PALLD: variants seen among roughly 807,000 people sequenced by gnomAD.
PALLD encodes palladin.
Under a neutral mutation model 123.5 loss-of-function variants are expected in PALLD, and 61 were observed. That is an observed-to-expected ratio of 0.49 (90% CI 0.40 to 0.61). The LOEUF (loss-of-function observed/expected upper bound fraction) is 0.61, where lower values mean the gene tolerates loss of function less well. Among genes scored for constraint, PALLD ranks in the 20% least tolerant of loss-of-function variants. PALLD has a pLI of 0.00. For missense variants in PALLD, 1,273 were observed against 1,377.0 expected, an observed-to-expected ratio of 0.92 and a Z score of 1.20; for synonymous variants, 465 against 496.4, an observed-to-expected ratio of 0.94 and a Z score of 0.84.
chr4:168,598,588 A>T (rs1279393503), intron 2 of PALLD: 7 of 334,538 alleles, frequency 2.1e-5, no homozygotes, highest in Non-Finnish European at 4.2e-5. Flanking sequence ...AAACTGTCCC[A>T]TCTTCAATCA....
At chr4:168,528,445 C>T (rs892884758) in intron 2 of PALLD, among the ~76,000 whole-genome samples, 1 of 152,240 alleles carries the variant, frequency 6.6e-6, no homozygotes, top group Non-Finnish European at 1.5e-5. Flanking sequence ...TTCGTTCACT[C>T]TCTGTCAATG....
chr4:168,727,498 C>G (rs1389201420), intron 10 of PALLD, among the ~76,000 whole-genome samples: 1 of 152,078 alleles, frequency 6.6e-6, no homozygotes. Flanking sequence ...TGTTTGTTGG[C>G]TGCTTGTATG....
At chr4:168,835,010 A>C (rs965316603) in intron 10 of PALLD, among the ~76,000 whole-genome samples, 1 of 152,240 alleles carries the variant, frequency 6.6e-6, no homozygotes, top group Non-Finnish European at 1.5e-5. Flanking sequence ...CAAGGTGCTG[A>C]AGTCATTATT....
At chr4:168,727,519 A>C (rs915457328) in intron 10 of PALLD, among the ~76,000 whole-genome samples, 11 of 152,054 alleles carry the variant, frequency 7.2e-5, no homozygotes, top group African/African-American at 2.7e-4. Context: ...TTTTCTTTGG[A>C]GAAGTGTCTG....
intron 8 of PALLD, among the ~76,000 whole-genome samples, chr4:168,698,543 A>G (rs946651756): frequency 1.3e-5 from 2 of 152,090 alleles, no homozygotes; most frequent in African/African-American, 4.8e-5. Context: ...TTAAAGAAAC[A>G]AAATATGGAG....
chr4:168,690,656 G>C lies in PALLD; in HGVS notation c.1389G>C (p.Arg463=). 3.1e-6 allele frequency: 5 copies of C among 1,614,140 alleles called. No homozygotes were observed. Among genetic ancestry groups the C allele is most frequent in the Non-Finnish European group, 4.2e-6 (5 of 1,179,998 alleles). The change falls in exon 7 of 22, where the codon CGG becomes CGC. Residue 463 remains arginine (R), a synonymous_variant. Transcript: ENST00000505667. The part of the protein sequence containing the change: ...AEGQVVVLEC[R]VRGAPPLQVQ... ...GCCAGGTGGTGGTTCTGGAGTGCCG[G>C]GTCCGTGGGGCACCCCCTCTGCAGG... is the stretch of plus-strand genomic sequence containing the variant.
intron 10 of PALLD, among the ~76,000 whole-genome samples, chr4:168,861,321 C>T (rs562455304): frequency 1.1e-4 from 16 of 151,094 alleles, no homozygotes; most frequent in African/African-American, 3.9e-4. Flanking sequence ...AACCACCATA[C>T]AGCTTATATC....
chr4:168,916,806 G>A (rs1413254261), intron 17 of PALLD, among the ~76,000 whole-genome samples: 2 of 150,546 alleles, frequency 1.3e-5, no homozygotes, highest in African/African-American at 4.9e-5. Flanking sequence ...GAGTAGCTGC[G>A]ATTACAGGCA....
intron 6 of PALLD, among the ~76,000 whole-genome samples, chr4:168,689,254 GT>G: frequency 6.6e-6 from 1 of 151,984 alleles, no homozygotes; most frequent in Admixed American, 6.6e-5. Flanking sequence ...TACAGAATTG[GT>G]TTTTTCCAGG....
intron 2 of PALLD, among the ~76,000 whole-genome samples, chr4:168,517,716 A>G (rs1198506264): frequency 1.3e-5 from 2 of 152,210 alleles, no homozygotes; most frequent in African/African-American, 2.4e-5. Flanking sequence ...ACCACTAGCC[A>G]ATAGTTTATG....
At chr4:168,670,064 T>G (rs1441848608) in intron 3 of PALLD, among the ~76,000 whole-genome samples, 1 of 152,204 alleles carries the variant, frequency 6.6e-6, no homozygotes. Context: ...GCAGTATTAT[T>G]CAGGGGTGGG....
chr4:168,779,486 T>C (rs1735597023), intron 10 of PALLD, among the ~76,000 whole-genome samples: 1 of 150,948 alleles, frequency 6.6e-6, no homozygotes, highest in African/African-American at 2.4e-5. Flanking sequence ...GTGAACATCA[T>C]ATATATATAA....
chr4:168,832,119 C>T, intron 10 of PALLD: 2 of 985,472 alleles, frequency 2.0e-6, no homozygotes, highest in Non-Finnish European at 2.4e-6. Context: ...GCAGCTCCCG[C>T]TCGCTCCGGA....
At chr4:168,570,427 T>C (rs1052270325) in intron 2 of PALLD, among the ~76,000 whole-genome samples, 2 of 152,182 alleles carry the variant, frequency 1.3e-5, no homozygotes, top group African/African-American at 4.8e-5. Flanking sequence ...GGCAAAGTAA[T>C]ACCTTTTAGA....
At chr4:168,884,509 G>C (rs1438212384) in intron 10 of PALLD, among the ~76,000 whole-genome samples, 1 of 152,178 alleles carries the variant, frequency 6.6e-6, no homozygotes, top group African/African-American at 2.4e-5. Context: ...GGACCACACT[G>C]TCTGATACAG....
chr4:168,759,179 C>CAAAAAAA (rs1175955888), intron 10 of PALLD, among the ~76,000 whole-genome samples: 7 of 9,048 alleles, frequency 7.7e-4, no homozygotes, highest in South Asian at 8.1e-3. Flanking sequence ...GACTCCATCT[C>CAAAAAAA]AAAAAAAAAA....
intron 3 of PALLD, among the ~76,000 whole-genome samples, chr4:168,675,742 C>T (rs1298886246): frequency 1.6e-4 from 24 of 152,062 alleles, no homozygotes; most frequent in South Asian, 2.1e-4. Context: ...CTAAAATGTA[C>T]GGATAAAAAG....
At chr4:168,706,067 A>G (rs1346819635) in intron 8 of PALLD, among the ~76,000 whole-genome samples, 1 of 152,158 alleles carries the variant, frequency 6.6e-6, no homozygotes, top group Admixed American at 6.5e-5. Flanking sequence ...ACACTACAGT[A>G]TTGTTAACTG....
chr4:168,700,365 A>G (rs1004039695), intron 8 of PALLD: 1 of 153,134 alleles, frequency 6.5e-6, no homozygotes, highest in Non-Finnish European at 1.5e-5. Context: ...TTAATTCTGT[A>G]ATTTTTCTAA....
Sources: gnomAD v4.1 joint callset for allele counts (sites outside exome capture counted in the v4.1 genomes callset) on GRCh38, gnomAD v4.1.1 for gene constraint, MANE v1.5 for transcripts, NCBI Gene and HGNC (gene_info 2026-07-23, HGNC 2026-07-21) for gene names.